ANKRD36: variants seen among roughly 807,000 people sequenced by gnomAD.
ANKRD36 encodes ankyrin repeat domain 36, also known as ankyrin repeat domain-containing protein 36A.
A neutral mutation model predicts 278.1 loss-of-function variants in ANKRD36; 179 were observed. The ratio of observed to expected loss-of-function variants is 0.64; its 90% CI spans 0.57 to 0.73. ANKRD36 has a LOEUF of 0.73. Ranked by LOEUF, ANKRD36 falls within the 30% of genes least tolerant of loss-of-function variation. The pLI is 0.00. For missense variants in ANKRD36, 1,159 were observed against 1,956.7 expected, an observed-to-expected ratio of 0.59 and a Z score of 7.69; for synonymous variants, 320 against 641.1, an observed-to-expected ratio of 0.50 and a Z score of 7.57.
rs867795005 is a variant in ANKRD36 at position 97,209,571 on chromosome 2, C to G, written c.3266-110C>G. ...GACACAAAGTAGAAGCCATCAAAGC[C>G]TCCACTAATACAGGCAGGAGGACAG... On this transcript the variant is annotated intron_variant, in intron 54 of 75. Transcript: ENST00000420699. The G allele has an allele frequency of 4.8e-5, 76 of 1,567,996 alleles. 2 individuals are homozygous for G. The Middle Eastern group carries it at 9.4e-4, about 19-fold the overall frequency.
rs753214194 is a variant in ANKRD36, at chr2:97,179,718, G to A, written c.1634-20G>A. The A allele has an allele frequency of 2.5e-6, 4 of 1,593,072 alleles. No homozygotes were observed. The East Asian group carries it at 9.0e-5, about 36-fold the overall frequency. On this transcript the variant is annotated intron_variant, in intron 22 of 75. Transcript: ENST00000420699. Reference sequence around the variant, plus strand: ...ATCATATTTACATATGATTGATTATGTATCCCTTTTGCTTTTCAGTGTCTT... The same window carrying A: ...ATCATATTTACATATGATTGATTATATATCCCTTTTGCTTTTCAGTGTCTT...
At chr2:97,127,437 AT>A (rs1461732189) in intron 6 of ANKRD36, among the ~76,000 whole-genome samples, 5 of 152,100 alleles carry the variant, frequency 3.3e-5, no homozygotes, top group African/African-American at 1.2e-4. Flanking sequence ...TTATAGTCAC[AT>A]AATAATGAAT....
chr2:97,203,794 A>G (rs2062041659), intron 48 of ANKRD36, among the ~76,000 whole-genome samples: 1 of 151,800 alleles, frequency 6.6e-6, no homozygotes. Flanking sequence ...ATCACTCGGC[A>G]TATCCACATT....
At chr2:97,197,121 C>G (rs917556580) in intron 42 of ANKRD36, among the ~76,000 whole-genome samples, 13 of 152,020 alleles carry the variant, frequency 8.6e-5, no homozygotes, top group African/African-American at 2.9e-4. Flanking sequence ...GAGGAAGTAT[C>G]GATTTTACAG....
Position 97,204,100 on chromosome 2 carries a change from A to G in ANKRD36, c.2988+4A>G. The G allele has an allele frequency of 1.9e-6, 3 of 1,576,168 alleles. No individual in the cohort carries two copies. Among genetic ancestry groups the G allele is most frequent in the Non-Finnish European group, 2.6e-6 (3 of 1,163,290 alleles). On this transcript the variant is annotated splice_donor_region_variant and intron_variant, in intron 49 of 75. Coordinates refer to ENST00000420699, the MANE Select transcript of ANKRD36 (RefSeq NM_001354587.1). ...TGAGAAACCACCAGGCTTGAAGGTA[A>G]TGAAACTGTCGTTTATATTGTGAAC...
chr2:97,195,687 A>G (rs1481166863), intron 40 of ANKRD36, among the ~76,000 whole-genome samples: 6 of 151,972 alleles, frequency 3.9e-5, no homozygotes, highest in African/African-American at 1.4e-4. Context: ...CCTCTTGGAT[A>G]AAATAGCTGT....
intron 1 of ANKRD36, among the ~76,000 whole-genome samples, chr2:97,116,963 A>G (rs2035568633): frequency 1.3e-5 from 2 of 151,802 alleles, no homozygotes; most frequent in South Asian, 2.1e-4. Context: ...ACCCTTAACA[A>G]CTTCATGTTT....
intron 67 of ANKRD36, among the ~76,000 whole-genome samples, chr2:97,230,877 G>C (rs1454976509): frequency 6.6e-6 from 1 of 152,118 alleles, no homozygotes; most frequent in Non-Finnish European, 1.5e-5. Context: ...CTCAGCTGCA[G>C]GTCTGTTGGA....
intron 66 of ANKRD36, among the ~76,000 whole-genome samples, chr2:97,220,755 A>ATTTTTTTTT (rs2067293260): frequency 4.5e-5 from 3 of 66,906 alleles, no homozygotes; most frequent in African/African-American, 2.9e-4. Context: ...TTTAATTTTT[A>ATTTTTTTTT]ATTTTCTTTT....
intron 30 of ANKRD36, 112 bp from the exon 31 acceptor site, chr2:97,187,086 A>T: frequency 6.5e-7 from 1 of 1,535,836 alleles, no homozygotes; most frequent in East Asian, 2.4e-5. Context: ...AAAACATCAA[A>T]GCCTACACTA....
intron 67 of ANKRD36, among the ~76,000 whole-genome samples, chr2:97,228,899 G>A (rs1355803333): frequency 5.9e-5 from 9 of 152,068 alleles, no homozygotes; most frequent in Non-Finnish European, 1.2e-4. Context: ...TATGTACCCA[G>A]TAGTCATTCA....
At chr2:97,159,883 G>A (rs1196443748) in intron 17 of ANKRD36, among the ~76,000 whole-genome samples, 1 of 151,912 alleles carries the variant, frequency 6.6e-6, no homozygotes, top group Non-Finnish European at 1.5e-5. Flanking sequence ...CCGGGTTCAC[G>A]CCATTCTCCT....
intron 66 of ANKRD36, among the ~76,000 whole-genome samples, chr2:97,222,255 G>A (rs1374721065): frequency 4.0e-5 from 6 of 151,898 alleles, no homozygotes; most frequent in African/African-American, 1.2e-4. Context: ...TTGACTTGGC[G>A]ATGCGGGCTC....
chr2:97,200,222 G>C, intron 44 of ANKRD36, 112 bp from the exon 45 acceptor site: 4 of 1,580,344 alleles, frequency 2.5e-6, no homozygotes, highest in Non-Finnish European at 2.6e-6. Context: ...AGCCATCAAA[G>C]CCTCCACTAA....
chr2:97,159,292 A>G (rs181433859), intron 17 of ANKRD36, among the ~76,000 whole-genome samples: 2,992 of 152,162 alleles, frequency 0.02, 35 homozygotes, highest in Middle Eastern at 0.034. Flanking sequence ...AAAAATAGCC[A>G]GGAGAGAATA....
At chr2:97,217,579 C>A (rs545309307) in intron 64 of ANKRD36, among the ~76,000 whole-genome samples, 1 of 152,084 alleles carries the variant, frequency 6.6e-6, no homozygotes, top group Non-Finnish European at 1.5e-5. Flanking sequence ...GACTTCCCTA[C>A]ATGGAAATTG....
chr2:97,192,610 G>C (rs771815657), intron 36 of ANKRD36, among the ~76,000 whole-genome samples: 1 of 151,226 alleles, frequency 6.6e-6, no homozygotes, highest in Non-Finnish European at 1.5e-5. Flanking sequence ...GACACAGTTT[G>C]ATTTTAGTTT....
chr2:97,211,543 C>T lies in ANKRD36; in HGVS notation c.3368-3C>T. On this transcript the variant is annotated splice_polypyrimidine_tract_variant and splice_region_variant and intron_variant, in intron 56 of 75. Transcript: ENST00000420699. The stretch of plus-strand genomic sequence containing the variant: ...GTGATTATGTATCCCTTTTGCTTTT[C>T]AGTGTCTTCTCCGAAACAACCAGCA... 2 of 1,606,186 alleles carry T rather than the reference C, an allele frequency of 1.2e-6. No individual in the cohort carries two copies. Among genetic ancestry groups the T allele is most frequent in the South Asian group, 2.2e-5 (2 of 90,700 alleles).
intron 22 of ANKRD36, among the ~76,000 whole-genome samples, chr2:97,174,551 T>C (rs182021091): frequency 1.3e-5 from 2 of 152,004 alleles, no homozygotes; most frequent in East Asian, 3.9e-4. Flanking sequence ...AACTTAGATA[T>C]ATAATCATGT....
Sources: allele counts gnomAD v4.1 joint callset (sites outside exome capture counted in the v4.1 genomes callset), GRCh38; gene constraint gnomAD v4.1.1; transcripts MANE v1.5; gene names NCBI Gene and HGNC (gene_info 2026-07-23, HGNC 2026-07-21).